The following ELOVL6 variants were observed in gnomAD, a reference collection of about 807,000 sequenced individuals.
The protein encoded by ELOVL6 is ELOVL fatty acid elongase 6.
Under a neutral mutation model 31.7 loss-of-function variants are expected in ELOVL6, and 8 were observed. That is an observed-to-expected ratio of 0.25 (90% confidence interval 0.15 to 0.45). ELOVL6 has a LOEUF of 0.45. Ranked by LOEUF, ELOVL6 falls within the 20% of genes least tolerant of loss-of-function variation. The pLI is 1.00. For missense variants in ELOVL6, 126 were observed against 326.4 expected, an observed-to-expected ratio of 0.39 and a Z score of 4.73; for synonymous variants, 101 against 117.7, an observed-to-expected ratio of 0.86 and a Z score of 0.92.
At chr4:110,146,550 G>A (rs1462784691) in intron 1 of ELOVL6, 2 of 152,540 alleles carry the variant, frequency 1.3e-5, no homozygotes, top group Non-Finnish European at 2.9e-5. Context: ...AGTGGAATGG[G>A]AGAAAGATGT....
At chr4:110,127,865 C>T (rs1050502742) in intron 1 of ELOVL6, among the ~76,000 whole-genome samples, 2 of 152,060 alleles carry the variant, frequency 1.3e-5, no homozygotes, top group South Asian at 4.1e-4. Flanking sequence ...TGCACCCAGA[C>T]ATGTTTTGGG....
chr4:110,183,213 A>C (rs1001258139), intron 1 of ELOVL6, among the ~76,000 whole-genome samples: 1 of 152,344 alleles, frequency 6.6e-6, no homozygotes, highest in African/African-American at 2.4e-5. Flanking sequence ...AACCTTATGT[A>C]GAACCACAAC....
Position 110,051,803 on chromosome 4 carries a change from C to T in ELOVL6, c.374-41G>A, listed in dbSNP as rs1459522795. ...GAAGAAGGTACGTGAGATCCTTGAC[C>T]ACCAGTAACGATGACTTACAGTTTT... On this transcript the variant is annotated intron_variant, in intron 3 of 3. Transcript: ENST00000302274. This position sits in a 1 kb window ranked among gnomAD's most constrained non-coding sequence, Gnocchi z 4.8. 4 of 1,548,332 alleles carry T rather than the reference C, an allele frequency of 2.6e-6. No homozygotes were observed. The highest frequency in any genetic ancestry group is 3.5e-6 in the Non-Finnish European group (4 of 1,134,124).
intron 2 of ELOVL6, among the ~76,000 whole-genome samples, chr4:110,077,171 T>C (rs1029231442): frequency 2.6e-5 from 4 of 152,208 alleles, no homozygotes; most frequent in Non-Finnish European, 2.9e-5. Flanking sequence ...GGGCAGGGCA[T>C]AGCCAAACAA....
chr4:110,196,451 C>G (rs965017482), intron 1 of ELOVL6, among the ~76,000 whole-genome samples: 1 of 152,210 alleles, frequency 6.6e-6, no homozygotes, highest in Admixed American at 6.5e-5. Context: ...AGCACCACCC[C>G]CTAAGCGGGA....
chr4:110,151,857 G>A (rs775515158), intron 1 of ELOVL6, among the ~76,000 whole-genome samples: 2 of 152,182 alleles, frequency 1.3e-5, no homozygotes, highest in Non-Finnish European at 2.9e-5. Context: ...TTAAAAGTCC[G>A]TTGTTGCCTA....
At chr4:110,057,872 A>T (rs1755036423) in intron 3 of ELOVL6, among the ~76,000 whole-genome samples, 1 of 151,868 alleles carries the variant, frequency 6.6e-6, no homozygotes, top group South Asian at 2.1e-4. Flanking sequence ...AAAAAAAAAA[A>T]AAATCACAAA....
In ELOVL6 at chr4:110,048,673, T is replaced by G. The variant is rs1754758971; in HGVS notation, c.*2665A>C. On this transcript the variant is annotated 3_prime_UTR_variant, in exon 4 of 4. Coordinates refer to ENST00000302274, the MANE Select transcript of ELOVL6 (RefSeq NM_024090.3). ...AGCTGAGATGTTAAAAACAGTGTATTGAACCTATATTACCAAAATTTTGTT... is the reference window on the plus strand; with the variant it reads ...AGCTGAGATGTTAAAAACAGTGTATGGAACCTATATTACCAAAATTTTGTT... 1 of 151,370 alleles carries G rather than the reference T, an allele frequency of 6.6e-6. No individual in the cohort carries two copies. The highest frequency in any genetic ancestry group is 2.1e-4 in the South Asian group (1 of 4,806). The allele number at this position is 151,370 out of a possible 1,614,324, so 9.4% of individuals were successfully genotyped here.
intron 1 of ELOVL6, among the ~76,000 whole-genome samples, chr4:110,140,002 T>C (rs760851930): frequency 2.0e-5 from 3 of 152,216 alleles, no homozygotes; most frequent in Non-Finnish European, 4.4e-5. Flanking sequence ...CTACTGATCC[T>C]ACCATGTGGT....
chr4:110,103,601 C>T (rs187758430), intron 2 of ELOVL6, among the ~76,000 whole-genome samples: 25 of 152,172 alleles, frequency 1.6e-4, no homozygotes, highest in African/African-American at 5.8e-4. Context: ...AAATATTACA[C>T]CTGAATGTAA....
intron 2 of ELOVL6, among the ~76,000 whole-genome samples, chr4:110,095,174 C>T (rs368022540): frequency 2.0e-5 from 3 of 152,074 alleles, no homozygotes; most frequent in East Asian, 3.9e-4. Context: ...AGAGTAAGTG[C>T]AGCGTGTTCA....
chr4:110,127,964 T>C (rs1057235926), intron 1 of ELOVL6, among the ~76,000 whole-genome samples: 5 of 151,730 alleles, frequency 3.3e-5, no homozygotes, highest in African/African-American at 1.2e-4. Context: ...TCCCAGCACT[T>C]TGGGAGGCCA....
intron 1 of ELOVL6, among the ~76,000 whole-genome samples, chr4:110,190,904 C>G (rs1759596315): frequency 6.6e-6 from 1 of 151,984 alleles, no homozygotes; most frequent in African/African-American, 2.4e-5. Flanking sequence ...ACTGCAACCT[C>G]CGCCTCCAGG....
At chr4:110,134,682 T>C (rs1757765613) in intron 1 of ELOVL6, among the ~76,000 whole-genome samples, 1 of 152,136 alleles carries the variant, frequency 6.6e-6, no homozygotes, top group Non-Finnish European at 1.5e-5. Flanking sequence ...TGATGTGAAC[T>C]GGGTGTGGTA....
intron 1 of ELOVL6, among the ~76,000 whole-genome samples, chr4:110,109,795 G>A (rs1756980722): frequency 6.6e-6 from 1 of 152,162 alleles, no homozygotes; most frequent in African/African-American, 2.4e-5. Context: ...ATGAAGAAAT[G>A]TTTATGTGGG....
At chr4:110,080,928 G>C (rs189881977) in intron 2 of ELOVL6, among the ~76,000 whole-genome samples, 1 of 152,014 alleles carries the variant, frequency 6.6e-6, no homozygotes, top group African/African-American at 2.4e-5. Context: ...AAAAATCACA[G>C]GCATTCTTAT....
At chr4:110,106,847 A>T (rs995006009) in intron 1 of ELOVL6, among the ~76,000 whole-genome samples, 2 of 152,170 alleles carry the variant, frequency 1.3e-5, no homozygotes, top group Admixed American at 6.5e-5. Flanking sequence ...AACAGTACTG[A>T]TAATGCCAAA....
intron 2 of ELOVL6, among the ~76,000 whole-genome samples, chr4:110,082,125 A>G (rs576674008): frequency 1.3e-5 from 2 of 149,312 alleles, no homozygotes; most frequent in East Asian, 3.9e-4. Context: ...GAGAAATAGG[A>G]ACACTTTTAC....
chr4:110,074,352 T>G (rs2126228425), intron 2 of ELOVL6, among the ~76,000 whole-genome samples: 1 of 152,372 alleles, frequency 6.6e-6, no homozygotes, highest in African/African-American at 2.4e-5. Flanking sequence ...CAAACCAAGC[T>G]TGGTTGAATC....
Sources: allele counts gnomAD v4.1 joint callset (sites outside exome capture counted in the v4.1 genomes callset), GRCh38; gene constraint gnomAD v4.1.1; non-coding constraint Gnocchi (gnomAD v3.1); transcripts MANE v1.5; gene names NCBI Gene and HGNC (gene_info 2026-07-23, HGNC 2026-07-21).